Variants in PAK1 observed in about 807,000 individuals in gnomAD.
The protein encoded by PAK1 is serine/threonine-protein kinase PAK 1.
A neutral mutation model predicts 67.4 loss-of-function variants in PAK1; 29 were observed. The observed-to-expected ratio is 0.43, with a 90% CI of 0.32 to 0.59. The LOEUF (loss-of-function observed/expected upper bound fraction) is 0.59. Ranked by LOEUF, PAK1 falls within the 20% of genes least tolerant of loss-of-function variation. The pLI is 0.07. For missense variants in PAK1, 337 were observed against 670.7 expected (o/e 0.50, Z 5.50); for synonymous variants, 223 against 237.4 (o/e 0.94, Z 0.56).
chr11:77,425,106 C>A (rs1955478590), intron 1 of PAK1, among the ~76,000 whole-genome samples: 2 of 152,176 alleles, frequency 1.3e-5, no homozygotes, highest in Admixed American at 6.5e-5. Context: ...TAAAATGCTG[C>A]AGGAGCACAA....
At chr11:77,386,735 T>C (rs1950493898) in intron 2 of PAK1, among the ~76,000 whole-genome samples, 1 of 152,080 alleles carries the variant, frequency 6.6e-6, no homozygotes, top group Non-Finnish European at 1.5e-5. Flanking sequence ...AAATTCTGAC[T>C]CCAAAGGTCT....
intron 1 of PAK1, among the ~76,000 whole-genome samples, chr11:77,413,939 T>G (rs1001619854): frequency 6.6e-6 from 1 of 152,156 alleles, no homozygotes; most frequent in Non-Finnish European, 1.5e-5. Flanking sequence ...CATAGCAACT[T>G]ATCTTACTCG....
At chr11:77,461,188 CAG>C (rs1957326564) in intron 1 of PAK1, among the ~76,000 whole-genome samples, 1 of 152,110 alleles carries the variant, frequency 6.6e-6, no homozygotes, top group Non-Finnish European at 1.5e-5. Context: ...AAGCTATATG[CAG>C]TGCTATTGGG....
At chr11:77,514,349 G>A in the PAK1 span, among the ~76,000 whole-genome samples, 3 of 152,080 alleles carry the variant, frequency 2.0e-5, no homozygotes, top group Non-Finnish European at 2.9e-5. Flanking sequence ...CAAAAAATTA[G>A]TCGGGTGTAG....
chr11:77,492,835 T>G, the PAK1 span, among the ~76,000 whole-genome samples: 1 of 152,232 alleles, frequency 6.6e-6, no homozygotes, highest in Non-Finnish European at 1.5e-5. Flanking sequence ...TGTTTAAAAG[T>G]GTATAGCACC....
At chr11:77,497,470 A>G in the PAK1 span, among the ~76,000 whole-genome samples, 1 of 152,166 alleles carries the variant, frequency 6.6e-6, no homozygotes, top group Admixed American at 6.5e-5. Flanking sequence ...AAGGAAAGTG[A>G]CTCACTCAAA....
chr11:77,421,660 A>C (rs189686379), intron 1 of PAK1, among the ~76,000 whole-genome samples: 2 of 152,350 alleles, frequency 1.3e-5, no homozygotes, highest in East Asian at 3.9e-4. Flanking sequence ...AAGACCAGTC[A>C]GAAAAAAAGC....
chr11:77,330,007 C>T (rs1350881506), intron 14 of PAK1, among the ~76,000 whole-genome samples: 1 of 151,798 alleles, frequency 6.6e-6, no homozygotes, highest in Non-Finnish European at 1.5e-5. Flanking sequence ...AACAGAGAGC[C>T]AAATCATGAG....
intron 5 of PAK1, among the ~76,000 whole-genome samples, chr11:77,364,507 A>T (rs1288644514): frequency 6.6e-6 from 1 of 152,254 alleles, no homozygotes; most frequent in African/African-American, 2.4e-5. Context: ...CCACAGACAG[A>T]GACTATGTCA....
At chr11:77,470,758 T>C (rs372943365) in intron 1 of PAK1, among the ~76,000 whole-genome samples, 12 of 152,046 alleles carry the variant, frequency 7.9e-5, no homozygotes, top group African/African-American at 2.4e-4. Context: ...AAGTTAAGAG[T>C]GCTTATTTAG....
chr11:77,519,243 A>G, the PAK1 span, among the ~76,000 whole-genome samples: 1 of 152,192 alleles, frequency 6.6e-6, no homozygotes, highest in African/African-American at 2.4e-5. Flanking sequence ...AATCTACAAC[A>G]GTATCTCCCA....
the PAK1 span, among the ~76,000 whole-genome samples, chr11:77,507,823 G>A: frequency 1.0e-3 from 157 of 152,102 alleles, no homozygotes; most frequent in Non-Finnish European, 2.0e-3. Context: ...ACCACACCTG[G>A]CTCCCCAATA....
At chr11:77,440,542 T>C (rs1240012578) in intron 1 of PAK1, among the ~76,000 whole-genome samples, 2 of 152,202 alleles carry the variant, frequency 1.3e-5, no homozygotes, top group Non-Finnish European at 1.5e-5. Flanking sequence ...AACTTGCCCA[T>C]AGTCACACAG....
rs1367887292 is a variant in PAK1 at position 77,350,674 on chromosome 11, A to G, written c.837-1387T>C. Among the ~76,000 whole-genome samples the G allele has an allele frequency of 4.6e-5, 7 of 152,300 alleles. No individual in the cohort carries two copies. In the East Asian group the frequency reaches 1.3e-3, roughly 29 times the overall value. ...TATAATTCCAGGTCAATCCAGGGGG[A>G]AAAGTCATGTGTAAGCATGCCTTGC... On this transcript the variant is annotated intron_variant, in intron 8 of 14. Coordinates refer to ENST00000356341, the MANE Select transcript of PAK1 (RefSeq NM_002576.5).
At chr11:77,521,065 T>C in the PAK1 span, among the ~76,000 whole-genome samples, 7 of 151,552 alleles carry the variant, frequency 4.6e-5, no homozygotes, top group Non-Finnish European at 1.0e-4. Context: ...ATGCCATGGA[T>C]ACTAGCATGA....
intron 1 of PAK1, among the ~76,000 whole-genome samples, chr11:77,472,462 C>T (rs1461900672): frequency 6.6e-6 from 1 of 152,190 alleles, no homozygotes; most frequent in Non-Finnish European, 1.5e-5. Context: ...AAAGACTTCA[C>T]AGTGTGGGAA....
At chr11:77,508,397 G>A in the PAK1 span, among the ~76,000 whole-genome samples, 1 of 152,162 alleles carries the variant, frequency 6.6e-6, no homozygotes, top group Non-Finnish European at 1.5e-5. Flanking sequence ...AGGGGAGTGT[G>A]ACAGCAGTAT....
At position 77,450,574 on chromosome 11, in the gene PAK1, T is replaced by C. The variant is rs564725429; in HGVS notation, c.-22+22978A>G. Among the ~76,000 whole-genome samples the C allele has an allele frequency of 1.2e-4, 18 of 152,270 alleles. No individual in the cohort carries two copies. In the South Asian group the frequency reaches 2.5e-3, roughly 21 times the overall value. The stretch of plus-strand genomic sequence containing the variant: ...AGCTGGGGTGAAGAATTAGGAGCCA[T>C]TAGGGATTTATGGAACTCTATGGGC... On this transcript the variant is annotated intron_variant, in intron 1 of 14. Coordinates refer to ENST00000356341, the MANE Select transcript of PAK1 (RefSeq NM_002576.5).
At chr11:77,446,995 T>A (rs1484251255) in intron 1 of PAK1, among the ~76,000 whole-genome samples, 1 of 151,646 alleles carries the variant, frequency 6.6e-6, no homozygotes, top group Non-Finnish European at 1.5e-5. Context: ...TACAACAGGA[T>A]CCCTTCACCT....
Sources: allele counts gnomAD v4.1 joint callset (sites outside exome capture counted in the v4.1 genomes callset), GRCh38; gene constraint gnomAD v4.1.1; transcripts MANE v1.5; gene names NCBI Gene and HGNC (gene_info 2026-07-23, HGNC 2026-07-21).